RNGTT: variants seen among roughly 807,000 people sequenced by gnomAD.
RNGTT encodes the protein mRNA-capping enzyme.
RNGTT carries 33 observed loss-of-function variants against 79.3 expected under a neutral mutation model. That is an observed-to-expected ratio of 0.42 (90% CI 0.32 to 0.56). RNGTT has a LOEUF of 0.56. Among genes scored for constraint, RNGTT ranks in the 20% least tolerant of loss-of-function variants. The pLI, the probability that RNGTT is intolerant of heterozygous loss-of-function variation, is 0.17. For missense variants in RNGTT, 497 were observed against 739.1 expected (o/e 0.67, Z 3.80); for synonymous variants, 222 against 235.9 (o/e 0.94, Z 0.54).
intron 4 of RNGTT, among the ~76,000 whole-genome samples, chr6:88,923,262 G>C (rs929895918): frequency 1.3e-5 from 2 of 152,104 alleles, no homozygotes; most frequent in African/African-American, 4.8e-5. Flanking sequence ...GTTGTTTCCA[G>C]GTTGTTTTTT....
chr6:88,800,069 C>CA (rs1779734809), intron 12 of RNGTT, among the ~76,000 whole-genome samples: 1 of 152,158 alleles, frequency 6.6e-6, no homozygotes, highest in South Asian at 2.1e-4. Context: ...CTTTGTTTGG[C>CA]AAGGGGGGCT....
intron 4 of RNGTT, among the ~76,000 whole-genome samples, chr6:88,920,900 T>C (rs1247135654): frequency 6.6e-6 from 1 of 152,240 alleles, no homozygotes; most frequent in African/African-American, 2.4e-5. Flanking sequence ...TTGTTTTATA[T>C]TCCCGGCAGT....
chr6:88,835,404 A>C (rs981933468), intron 11 of RNGTT, among the ~76,000 whole-genome samples: 9 of 152,206 alleles, frequency 5.9e-5, no homozygotes, highest in Non-Finnish European at 8.8e-5. Context: ...AAAATAAAGA[A>C]AGACAACATA....
At chr6:88,617,286 C>T (rs1248142024) in intron 14 of RNGTT, among the ~76,000 whole-genome samples, 1 of 152,096 alleles carries the variant, frequency 6.6e-6, no homozygotes, top group African/African-American at 2.4e-5. Flanking sequence ...AAAGATTTCT[C>T]CTATGTTATC....
intron 8 of RNGTT, among the ~76,000 whole-genome samples, chr6:88,874,601 C>T (rs1403343950): frequency 6.6e-6 from 1 of 151,552 alleles, no homozygotes; most frequent in African/African-American, 2.4e-5. Flanking sequence ...CATAATCACA[C>T]ATAATGAATA....
Position 88,807,983 on chromosome 6 carries a change from G to A in RNGTT, c.1270-6351C>T, listed in dbSNP as rs144330658. Among the ~76,000 whole-genome samples, 82 of 152,216 alleles carry A rather than the reference G, an allele frequency of 5.4e-4. No individual in the cohort carries two copies. The East Asian group carries it at 0.014, about 26-fold the overall frequency. ...AATATCTTTCAATAATAAAGGCACA[G>A]TAGAGTTCTTTTTCAGACAGACAAT... is the stretch of plus-strand genomic sequence containing the variant. On this transcript the variant is annotated intron_variant, in intron 11 of 15. Coordinates refer to ENST00000369485, the MANE Select transcript of RNGTT (RefSeq NM_003800.5).
intron 13 of RNGTT, among the ~76,000 whole-genome samples, chr6:88,697,572 T>A (rs1022483087): frequency 6.7e-6 from 1 of 149,846 alleles, no homozygotes; most frequent in Non-Finnish European, 1.5e-5. Context: ...TAAAAATAAA[T>A]ATGAATTCTG....
chr6:88,794,174 C>T (rs532083644), intron 12 of RNGTT, among the ~76,000 whole-genome samples: 2 of 152,260 alleles, frequency 1.3e-5, no homozygotes, highest in African/African-American at 4.8e-5. Flanking sequence ...TAACCAGAGA[C>T]CACTCCTAAC....
chr6:88,679,510 A>G (rs2756407), intron 13 of RNGTT, among the ~76,000 whole-genome samples: 40,330 of 152,150 alleles, frequency 0.27, 9,330 homozygotes, highest in African/African-American at 0.63. Flanking sequence ...GAGTCATATT[A>G]AAAGATGTAC....
chr6:88,732,085 G>C (rs912246093), intron 13 of RNGTT, among the ~76,000 whole-genome samples: 4 of 152,058 alleles, frequency 2.6e-5, no homozygotes, highest in African/African-American at 9.7e-5. Context: ...GCTGTCTCAG[G>C]GGTGGCAGAG....
At chr6:88,901,474 A>T (rs558389280) in intron 6 of RNGTT, among the ~76,000 whole-genome samples, 3 of 149,612 alleles carry the variant, frequency 2.0e-5, no homozygotes, top group East Asian at 3.9e-4. Context: ...TAGAAAAAAA[A>T]TAACTGTCAA....
chr6:88,620,254 G>C (rs1772394138), intron 14 of RNGTT, among the ~76,000 whole-genome samples: 1 of 152,112 alleles, frequency 6.6e-6, no homozygotes, highest in Non-Finnish European at 1.5e-5. Flanking sequence ...CAGTTACTTA[G>C]GAAAGAAGCA....
At chr6:88,871,774 C>T (rs1033350990) in intron 8 of RNGTT, among the ~76,000 whole-genome samples, 3 of 152,022 alleles carry the variant, frequency 2.0e-5, no homozygotes, top group Non-Finnish European at 2.9e-5. Flanking sequence ...CAGAAACTTC[C>T]GGGAATTAAG....
chr6:88,871,279 T>C (rs1782345113), intron 8 of RNGTT, among the ~76,000 whole-genome samples: 1 of 151,766 alleles, frequency 6.6e-6, no homozygotes, highest in Non-Finnish European at 1.5e-5. Context: ...TTTCAAAGTA[T>C]GATGCACTTA....
rs140641003 is a variant in RNGTT, at chr6:88,899,000, G to A, written c.684+5715C>T. Among the ~76,000 whole-genome samples the A allele has an allele frequency of 3.8e-4, 57 of 151,434 alleles. No homozygotes were observed. In the East Asian group the frequency reaches 8.7e-3, roughly 23 times the overall value. On this transcript the variant is annotated intron_variant, in intron 6 of 15. Transcript: ENST00000369485. ...GTTGAAGGATTATAAGTTTTCTTTC[G>A]TTTTCAAACTTTCTTTAATAAACTA... is the stretch of plus-strand genomic sequence containing the variant.
intron 11 of RNGTT, among the ~76,000 whole-genome samples, chr6:88,814,889 G>A (rs1780266315): frequency 6.6e-6 from 1 of 152,154 alleles, no homozygotes. Flanking sequence ...AGAGTAATAT[G>A]AGAAATTGCA....
intron 13 of RNGTT, among the ~76,000 whole-genome samples, chr6:88,726,546 A>G (rs1178676886): frequency 6.6e-6 from 1 of 151,696 alleles, no homozygotes; most frequent in Non-Finnish European, 1.5e-5. Context: ...TAATTACCAT[A>G]CAAAGGTCCG....
intron 13 of RNGTT, among the ~76,000 whole-genome samples, chr6:88,763,404 G>A (rs1270477658): frequency 6.6e-6 from 1 of 152,156 alleles, no homozygotes; most frequent in Non-Finnish European, 1.5e-5. Context: ...ACTTGAGAGT[G>A]GAATTGCTGA....
intron 13 of RNGTT, chr6:88,714,255 A>C (rs190365016): frequency 6.6e-6 from 1 of 152,206 alleles, no homozygotes; most frequent in African/African-American, 2.4e-5. Context: ...TGTTGCTTGC[A>C]TGGTTTGTCT....
Sources: gnomAD v4.1 joint callset for allele counts (sites outside exome capture counted in the v4.1 genomes callset) on GRCh38, gnomAD v4.1.1 for gene constraint, MANE v1.5 for transcripts, NCBI Gene and HGNC (gene_info 2026-07-23, HGNC 2026-07-21) for gene names.